The following DNAH8 variants were observed in gnomAD, a reference collection of about 807,000 sequenced individuals.
DNAH8 encodes axonemal beta dynein heavy chain 8.
In DNAH8, 382 loss-of-function variants were observed where a neutral mutation model predicts 562.1. The ratio of observed to expected loss-of-function variants is 0.68; its 90% CI spans 0.63 to 0.74. The LOEUF (loss-of-function observed/expected upper bound fraction) is 0.74, where lower values mean the gene tolerates loss of function less well. Ranked by LOEUF, DNAH8 falls within the 30% of genes least tolerant of loss-of-function variation. The pLI is 0.00. For missense variants in DNAH8, 5,203 were observed against 5,620.4 expected (o/e 0.93, Z 2.37); for synonymous variants, 1,881 against 1,919.4 (o/e 0.98, Z 0.52).
chr6:38,771,028 A>C (rs992342395), intron 12 of DNAH8, among the ~76,000 whole-genome samples: 1 of 152,212 alleles, frequency 6.6e-6, no homozygotes, highest in African/African-American at 2.4e-5. Context: ...TTAATTTATT[A>C]GGACTGGTTG....
intron 3 of DNAH8, 32 bp from the exon 4 acceptor site, chr6:38,729,870 G>T: frequency 1.7e-6 from 2 of 1,179,942 alleles, no homozygotes; most frequent in Middle Eastern, 2.0e-4. Flanking sequence ...TTCCTTAGTC[G>T]TTTGATTATC....
intron 85 of DNAH8, among the ~76,000 whole-genome samples, chr6:38,975,889 G>T (rs1205459623): frequency 1.3e-5 from 2 of 152,202 alleles, no homozygotes; most frequent in African/African-American, 2.4e-5. Flanking sequence ...ATGGAGAGCT[G>T]GTTGGGGGTA....
Position 38,729,935 on chromosome 6 carries a change from G to A in DNAH8, c.559G>A (p.Gly187Ser). Residue 187 changes from glycine to serine, a missense_variant, in exon 4 of 93, where the codon GGT becomes AGT. By Grantham distance (56) the Gly-to-Ser change is moderately conservative. Transcript: ENST00000327475. ...ATTTACTAATTTTTTTGCGAAAGAT[G>A]GTTGTAAGACACTGAAATTTTTGTA... The part of the protein sequence containing the change: ...EAFTNFFAKD[G>S]CKTLKFLYQE... 1 of 1,598,740 alleles carries A rather than the reference G, an allele frequency of 6.3e-7. No individual in the cohort carries two copies. The highest frequency in any genetic ancestry group is 8.5e-7 in the Non-Finnish European group (1 of 1,170,000).
intron 21 of DNAH8, among the ~76,000 whole-genome samples, chr6:38,800,212 T>A (rs1342735731): frequency 6.6e-6 from 1 of 150,818 alleles, no homozygotes; most frequent in Admixed American, 6.8e-5. Flanking sequence ...CATAAGTGTC[T>A]ATTTTTTTTT....
intron 15 of DNAH8, among the ~76,000 whole-genome samples, 198 bp downstream of exon 15, chr6:38,780,263 T>C (rs905825777): frequency 1.3e-5 from 2 of 152,226 alleles, no homozygotes; most frequent in African/African-American, 4.8e-5. Flanking sequence ...CTCTTTGCTG[T>C]GATCTTACCA....
chr6:39,017,231 C>T (rs569329270), intron 91 of DNAH8, among the ~76,000 whole-genome samples: 1 of 152,136 alleles, frequency 6.6e-6, no homozygotes, highest in South Asian at 2.1e-4. Flanking sequence ...TTGTTTTTCT[C>T]GGGTGTCGCA....
chr6:38,922,999 G>A (rs1781831368), intron 71 of DNAH8, 59 bp from the exon 72 acceptor site: 3 of 1,543,448 alleles, frequency 1.9e-6, no homozygotes, highest in Non-Finnish European at 2.6e-6. Flanking sequence ...GAATATAATG[G>A]ATGTTTGTGT....
intron 88 of DNAH8, among the ~76,000 whole-genome samples, chr6:39,003,588 C>T (rs1232555060): frequency 3.3e-5 from 5 of 152,112 alleles, no homozygotes; most frequent in Admixed American, 3.3e-4. Context: ...TCTATAAGCA[C>T]AATATTAACA....
chr6:38,848,758 A>T lies in DNAH8; in HGVS notation c.5156A>T (p.Glu1719Val). Residue 1719 changes from glutamate (E) to valine (V), a missense_variant, in exon 37 of 93, where the codon GAA becomes GTA. Glu to Val is a moderately radical substitution (Grantham distance 121). Transcript: ENST00000327475. Reference sequence around the variant, plus strand: ...GTACAGAACCTTTGGGTTTATCTTGAAGCCGTCTTTGTAGGTGGAGATATT... The same window carrying T: ...GTACAGAACCTTTGGGTTTATCTTGTAGCCGTCTTTGTAGGTGGAGATATT... The part of the protein sequence containing the change: ...LVVQNLWVYL[E>V]AVFVGGDIAK... 6.2e-7 allele frequency: 1 copy of T among 1,613,534 alleles called. No individual in the cohort carries two copies. The highest frequency in any genetic ancestry group is 2.2e-5 in the East Asian group (1 of 44,864).
rs148698911 is a variant in DNAH8, at chr6:38,873,139, A to G, written c.7471A>G (p.Ile2491Val). The G allele has an allele frequency of 2.8e-4, 444 of 1,613,520 alleles. 1 individual carries two copies. The African/African-American group carries it at 3.5e-3, about 13-fold the overall frequency. ...ISSSALSWRP[I>V]LQAWLKKRTA... ...CAGCTCTGCTCTCAGCTGGAGGCCA[A>G]TCTTACAGGTGGGGCAGAGAGATGG... Residue 2491 changes from isoleucine (I) to valine (V), a missense_variant, in exon 51 of 93, where the codon ATC becomes GTC. Coordinates refer to ENST00000327475, the MANE Select transcript of DNAH8 (RefSeq NM_001206927.2).
intron 28 of DNAH8, among the ~76,000 whole-genome samples, chr6:38,823,894 A>G (rs1469311292): frequency 2.0e-5 from 3 of 152,108 alleles, no homozygotes; most frequent in African/African-American, 4.8e-5. Flanking sequence ...AAAAACTGCA[A>G]TTACTTTTGC....
rs371834891 is a variant in DNAH8 at position 38,727,365 on chromosome 6, T to G, written c.526-2537T>G. 2.6e-5 allele frequency among the ~76,000 whole-genome samples: 4 copies of G among 152,202 alleles called. No homozygotes were observed. In the East Asian group the frequency reaches 5.8e-4, roughly 22 times the overall value. Reference sequence around the variant, plus strand: ...TCACCTGGGCTCCCTTGTTCTCTGGTTTACACTTGGTTCAGCCACTGGGAG... The same window carrying G: ...TCACCTGGGCTCCCTTGTTCTCTGGGTTACACTTGGTTCAGCCACTGGGAG... On this transcript the variant is annotated intron_variant, in intron 3 of 92. Transcript: ENST00000327475.
intron 29 of DNAH8, among the ~76,000 whole-genome samples, chr6:38,826,860 T>C (rs1158241561): frequency 6.6e-6 from 1 of 152,198 alleles, no homozygotes; most frequent in Non-Finnish European, 1.5e-5. Flanking sequence ...CAATGAAAAA[T>C]GTTTTTAGGA....
intron 23 of DNAH8, among the ~76,000 whole-genome samples, chr6:38,805,990 A>G (rs1446827966): frequency 2.0e-5 from 3 of 152,296 alleles, no homozygotes; most frequent in African/African-American, 7.2e-5. Flanking sequence ...GGGCTCAGGG[A>G]TCTGCATTTT....
At chr6:38,916,340 C>G (rs1382372951) in intron 68 of DNAH8, among the ~76,000 whole-genome samples, 1 of 152,164 alleles carries the variant, frequency 6.6e-6, no homozygotes, top group Non-Finnish European at 1.5e-5. Flanking sequence ...TTCTTTAAAT[C>G]TGGGCCCAGA....
intron 24 of DNAH8, among the ~76,000 whole-genome samples, chr6:38,808,141 G>C (rs571962247): frequency 1.3e-5 from 2 of 152,334 alleles, no homozygotes; most frequent in Non-Finnish European, 2.9e-5. Context: ...TGTAGTTGGA[G>C]TATACGTAGT....
chr6:38,813,732 T>C (rs1257256418), intron 24 of DNAH8, among the ~76,000 whole-genome samples: 5 of 152,198 alleles, frequency 3.3e-5, no homozygotes, highest in Non-Finnish European at 7.3e-5. Context: ...AAGTATATGC[T>C]GGTGATCTCA....
intron 32 of DNAH8, among the ~76,000 whole-genome samples, chr6:38,836,606 C>T (rs1179007293): frequency 6.6e-6 from 1 of 151,096 alleles, no homozygotes; most frequent in East Asian, 1.9e-4. Context: ...GCCAAACAGG[C>T]TGTTTGGCAT....
chr6:38,886,070 G>T (rs1323700583), intron 56 of DNAH8, among the ~76,000 whole-genome samples: 4 of 150,694 alleles, frequency 2.7e-5, no homozygotes, highest in Non-Finnish European at 5.9e-5. Flanking sequence ...CAGGTGTAGA[G>T]CTTAGAAGAG....
Sources: allele counts gnomAD v4.1 joint callset (sites outside exome capture counted in the v4.1 genomes callset), GRCh38; gene constraint gnomAD v4.1.1; transcripts MANE v1.5; gene names NCBI Gene and HGNC (gene_info 2026-07-23, HGNC 2026-07-21).